Variants in CEP192 observed in about 807,000 individuals in gnomAD.
The protein encoded by CEP192 is centrosomal protein 192, also known as centrosomal protein of 192 kDa.
CEP192 carries 151 observed loss-of-function variants against 271.8 expected under a neutral mutation model. The ratio of observed to expected loss-of-function variants is 0.56; its 90% CI spans 0.49 to 0.64. CEP192 has a LOEUF of 0.64. Ranked by LOEUF, CEP192 falls within the 30% of genes least tolerant of loss-of-function variation. The probability of loss-of-function intolerance (pLI) is 0.00; values close to 1 mark genes in which losing one functional copy is unlikely to be tolerated. For missense variants in CEP192, 2,910 were observed against 3,020.5 expected (o/e 0.96, Z 0.86); for synonymous variants, 995 against 1,076.5 (o/e 0.92, Z 1.48).
At chr18:13,097,451 C>G (rs113352477) in intron 36 of CEP192, among the ~76,000 whole-genome samples, 1 of 152,066 alleles carries the variant, frequency 6.6e-6, no homozygotes, top group Admixed American at 6.6e-5. Context: ...TCCATCTCCC[C>G]GACCCTTTTT....
intron 30 of CEP192, among the ~76,000 whole-genome samples, chr18:13,076,812 C>G (rs551997447): frequency 6.6e-6 from 1 of 152,078 alleles, no homozygotes; most frequent in Admixed American, 6.5e-5. Flanking sequence ...GAGACATCAT[C>G]TCACTCTGTC....
chr18:13,073,191 A>G lies in CEP192; in HGVS notation c.5616+6A>G. ...AACCAGGCATTAAGTTCACAGTAAG[A>G]TCATTTTATTGCCTTTCCCTTCCCC... On this transcript the variant is annotated splice_donor_region_variant and intron_variant, in intron 30 of 44. Transcript: ENST00000506447. The G allele has an allele frequency of 1.9e-6, 3 of 1,597,962 alleles. No homozygotes were observed. The highest frequency in any genetic ancestry group is 8.5e-7 in the Non-Finnish European group (1 of 1,174,044).
At chr18:13,036,451 C>T (rs910788050) in intron 11 of CEP192, among the ~76,000 whole-genome samples, 21 of 152,346 alleles carry the variant, frequency 1.4e-4, no homozygotes, top group Admixed American at 1.0e-3. Context: ...CACTTTTCTC[C>T]TTTCTGCTCC....
intron 15 of CEP192, among the ~76,000 whole-genome samples, chr18:13,044,926 A>G (rs2036395433): frequency 6.6e-6 from 1 of 152,160 alleles, no homozygotes; most frequent in African/African-American, 2.4e-5. Flanking sequence ...TTACTTGCAG[A>G]TTCAATTTCT....
rs538586648 is a variant in CEP192 at position 13,080,433 on chromosome 18, C to G, written c.5617-6584C>G. The stretch of plus-strand genomic sequence containing the variant: ...GGGAGTTCACTCATGATTTGGCTCT[C>G]TGTTTGTCTGTTATTGGTGTATAGG... On this transcript the variant is annotated intron_variant, in intron 30 of 44. Transcript: ENST00000506447. Among the ~76,000 whole-genome samples the G allele has an allele frequency of 5.9e-5, 9 of 152,210 alleles. No homozygotes were observed. In the East Asian group the frequency reaches 1.7e-3, roughly 29 times the overall value.
At chr18:13,043,046 A>G (rs2036292421) in intron 15 of CEP192, among the ~76,000 whole-genome samples, 1 of 152,172 alleles carries the variant, frequency 6.6e-6, no homozygotes, top group Admixed American at 6.5e-5. Context: ...GCTTCCTGTC[A>G]CCGCATGTCC....
intron 30 of CEP192, among the ~76,000 whole-genome samples, chr18:13,082,986 A>G (rs1180511892): frequency 3.3e-5 from 5 of 152,128 alleles, no homozygotes; most frequent in African/African-American, 1.2e-4. Context: ...CTGCTGAGAG[A>G]TCAGCTGTTA....
intron 3 of CEP192, among the ~76,000 whole-genome samples, chr18:13,005,020 G>A (rs1386581838): frequency 6.6e-6 from 1 of 152,148 alleles, no homozygotes. Context: ...GCATCATATA[G>A]TTGTGGTACT....
intron 4 of CEP192, 110 bp from the exon 5 acceptor site, chr18:13,012,863 C>A: frequency 3.2e-6 from 2 of 619,366 alleles, no homozygotes; most frequent in South Asian, 4.6e-5. Context: ...TTTAAAAGTG[C>A]TTTTATTCTA....
chr18:13,117,518 G>C (rs2040487205), intron 43 of CEP192, 67 bp from the exon 44 acceptor site: 1 of 1,115,950 alleles, frequency 9.0e-7, no homozygotes, highest in Non-Finnish European at 1.3e-6. Flanking sequence ...TAAATGCTTG[G>C]TATGCTTATA....
At position 13,116,648 on chromosome 18, in the gene CEP192, C is replaced by CA. The variant is rs2040444684; in HGVS notation, c.7416+145_7416+146insA. The CA allele has an allele frequency of 8.3e-6, 6 of 725,488 alleles. No homozygotes were observed. The African/African-American group carries it at 1.1e-4, about 14-fold the overall frequency. The allele number at this position is 725,488 out of a possible 1,614,324, so 44.9% of individuals were successfully genotyped here. A position where few individuals can be genotyped will look rare whatever the true frequency, so the allele number is the denominator to read the frequency against. On this transcript the variant is annotated intron_variant, in intron 43 of 44. Coordinates refer to ENST00000506447, the MANE Select transcript of CEP192 (RefSeq NM_032142.4). ...TTTTTTGGAGATGGAGTCTCGCTGT[C>CA]GCCCAGGCTGAAGTGCAGTGGTGCG...
chr18:13,033,692 C>T (rs543542922), intron 11 of CEP192, among the ~76,000 whole-genome samples: 1 of 152,278 alleles, frequency 6.6e-6, no homozygotes, highest in Admixed American at 6.5e-5. Flanking sequence ...AATTAAGGTG[C>T]ATCCATACAA....
chr18:13,047,194 C>T (rs923709923), intron 15 of CEP192, among the ~76,000 whole-genome samples: 4 of 152,172 alleles, frequency 2.6e-5, no homozygotes, highest in African/African-American at 9.7e-5. Context: ...CTGGCAATTG[C>T]AGATCACTTT....
At chr18:13,006,764 C>G (rs1273547734) in intron 3 of CEP192, among the ~76,000 whole-genome samples, 1 of 147,640 alleles carries the variant, frequency 6.8e-6, no homozygotes, top group Non-Finnish European at 1.5e-5. Context: ...TGGCCATTTA[C>G]TGTAGAGTGT....
chr18:13,095,461 T>A (rs1454978063), intron 34 of CEP192, 42 bp from the exon 35 acceptor site: 2 of 1,502,282 alleles, frequency 1.3e-6, no homozygotes, highest in Admixed American at 4.0e-5. Context: ...TCTCAGTCTC[T>A]TTCTTCATGT....
chr18:13,098,864 C>T (rs144003887), intron 36 of CEP192, among the ~76,000 whole-genome samples: 6,595 of 152,202 alleles, frequency 0.043, 214 homozygotes, highest in East Asian at 0.14. Flanking sequence ...GCCGAAATCA[C>T]GCCACTGCAC....
intron 15 of CEP192, among the ~76,000 whole-genome samples, chr18:13,047,313 C>T (rs139273313): frequency 6.6e-6 from 1 of 152,176 alleles, no homozygotes. Context: ...GTGGTCTCAT[C>T]CCAAAGCATG....
At chr18:13,101,403 C>G (rs774050689) in intron 38 of CEP192, among the ~76,000 whole-genome samples, 1 of 152,068 alleles carries the variant, frequency 6.6e-6, no homozygotes, top group Non-Finnish European at 1.5e-5. Flanking sequence ...TTTACTGGGA[C>G]GTGAGGAGCA....
chr18:13,083,784 C>T (rs541940490), intron 30 of CEP192, among the ~76,000 whole-genome samples: 22 of 152,252 alleles, frequency 1.4e-4, no homozygotes, highest in Admixed American at 1.1e-3. Context: ...ATGCTGGTGA[C>T]CTACAGATGG....
Sources: allele counts gnomAD v4.1 joint callset (sites outside exome capture counted in the v4.1 genomes callset), GRCh38; gene constraint gnomAD v4.1.1; transcripts MANE v1.5; gene names NCBI Gene and HGNC (gene_info 2026-07-23, HGNC 2026-07-21).